Variants in AP3B1 observed in about 807,000 individuals in gnomAD.
The protein encoded by AP3B1 is adaptor related protein complex 3 subunit beta 1, also known as AP-3 complex subunit beta-1.
AP3B1 carries 61 observed loss-of-function variants against 132.5 expected under a neutral mutation model. The ratio of observed to expected loss-of-function variants is 0.46; its 90% CI spans 0.37 to 0.57. The LOEUF (loss-of-function observed/expected upper bound fraction) is 0.57. Among genes scored for constraint, AP3B1 ranks in the 20% least tolerant of loss-of-function variants. AP3B1 has a pLI of 0.00. For missense variants in AP3B1, 1,120 were observed against 1,289.4 expected, an observed-to-expected ratio of 0.87 and a Z score of 2.01; for synonymous variants, 388 against 438.3, an observed-to-expected ratio of 0.89 and a Z score of 1.43.
Position 78,227,523 on chromosome 5 carries a change from G to C in AP3B1, c.385C>G (p.Gln129Glu), listed in dbSNP as rs1746447163. 6.2e-7 allele frequency: 1 copy of C among 1,613,412 alleles called. No homozygotes were observed. Among genetic ancestry groups the C allele is most frequent in the Admixed American group, 1.7e-5 (1 of 59,976 alleles). ...CTCAAAGCGCTTGCACGAATTAGTT[G>C]GTTTGGGTCCTAAAAATAGTGCAAA... ...TFQRALKDPNQLIRASALRVL... is the reference protein window; with the variant it reads ...TFQRALKDPNELIRASALRVL... The change falls in exon 5 of 27, where the codon CAA (glutamine) becomes GAA (glutamate). Residue 129 changes from glutamine (Q) to glutamate (E), a missense_variant. Physicochemically the swap from Gln to Glu is conservative, Grantham distance 29. Around this residue, in one of 3 missense-constraint regions of AP3B1, gnomAD observed 129 missense variants for 212.4 expected, o/e 0.61. Transcript: ENST00000255194.
At chr5:78,263,609 G>A (rs1435467438) in intron 2 of AP3B1, among the ~76,000 whole-genome samples, 1 of 152,194 alleles carries the variant, frequency 6.6e-6, no homozygotes, top group Admixed American at 6.5e-5. Flanking sequence ...ACTACTGAGT[G>A]TGATGCTAGT....
chr5:78,085,212 A>T (rs951988177), intron 22 of AP3B1, among the ~76,000 whole-genome samples: 4 of 152,224 alleles, frequency 2.6e-5, no homozygotes, highest in Non-Finnish European at 5.9e-5. Flanking sequence ...TGCCTGCTTC[A>T]TTGCATACCT....
At chr5:78,110,901 G>A (rs1751562794) in intron 19 of AP3B1, among the ~76,000 whole-genome samples, 1 of 151,888 alleles carries the variant, frequency 6.6e-6, no homozygotes, top group African/African-American at 2.4e-5. Flanking sequence ...TGGGACTACA[G>A]GCATGCACCA....
chr5:78,059,961 C>T (rs1748973634), intron 22 of AP3B1, among the ~76,000 whole-genome samples: 1 of 151,536 alleles, frequency 6.6e-6, no homozygotes, highest in East Asian at 1.9e-4. Context: ...TGAAGAAATA[C>T]AAACAGACAT....
intron 7 of AP3B1, among the ~76,000 whole-genome samples, chr5:78,193,740 T>TATATATATATATATA (rs1561469382): frequency 2.4e-5 from 1 of 41,732 alleles, no homozygotes; most frequent in Non-Finnish European, 5.8e-5. Context: ...TTGTATATAT[T>TATATATATATATATA]TTTTTATATA....
At chr5:78,176,343 GA>G (rs11324490) in intron 9 of AP3B1, among the ~76,000 whole-genome samples, 12,973 of 136,650 alleles carry the variant, frequency 0.095, 766 homozygotes, top group African/African-American at 0.17. Flanking sequence ...CTAGCCATAG[GA>G]AAAAAAAAAA....
At chr5:78,221,434 GAAATAT>G (rs1272976227) in intron 6 of AP3B1, among the ~76,000 whole-genome samples, 5 of 152,002 alleles carry the variant, frequency 3.3e-5, no homozygotes, top group African/African-American at 7.2e-5. Flanking sequence ...TTGAAGATAG[GAAATAT>G]AAATATAAAT....
chr5:78,068,562 T>C (rs941508320), intron 22 of AP3B1, among the ~76,000 whole-genome samples: 4 of 152,016 alleles, frequency 2.6e-5, no homozygotes, highest in Admixed American at 6.6e-5. Context: ...CAGGAAGAAG[T>C]TGAATCCCTG....
At chr5:78,132,384 A>G (rs1173081210) in intron 15 of AP3B1, among the ~76,000 whole-genome samples, 3 of 152,166 alleles carry the variant, frequency 2.0e-5, no homozygotes, top group Admixed American at 1.3e-4. Flanking sequence ...CTTTGTTCCC[A>G]TTTGCAGCCC....
At chr5:78,047,169 C>T (rs563864442) in intron 22 of AP3B1, among the ~76,000 whole-genome samples, 8 of 152,296 alleles carry the variant, frequency 5.3e-5, no homozygotes, top group East Asian at 1.9e-4. Context: ...CATACGTGCA[C>T]ATATGTCTTT....
intron 26 of AP3B1, among the ~76,000 whole-genome samples, chr5:78,011,041 CTTTTT>C (rs11301750): frequency 1.5e-5 from 2 of 129,366 alleles, no homozygotes. Context: ...CTGTATCTCT[CTTTTT>C]TTTTTTTTTT....
chr5:78,292,835 G>GC (rs1561226272), intron 1 of AP3B1, among the ~76,000 whole-genome samples: 2 of 140,106 alleles, frequency 1.4e-5, no homozygotes, highest in Admixed American at 1.4e-4. Context: ...AGTTTTTTTT[G>GC]TTTTTTTTTT....
intron 17 of AP3B1, among the ~76,000 whole-genome samples, chr5:78,122,210 G>A (rs1752240694): frequency 6.6e-6 from 1 of 152,116 alleles, no homozygotes; most frequent in African/African-American, 2.4e-5. Flanking sequence ...AATAATAAGA[G>A]CTATCTATGA....
intron 22 of AP3B1, among the ~76,000 whole-genome samples, chr5:78,061,550 G>A (rs751521415): frequency 5.3e-5 from 8 of 152,216 alleles, no homozygotes; most frequent in Non-Finnish European, 1.0e-4. Context: ...AGCACTTGAT[G>A]TAATGCCTAG....
At chr5:78,013,407 A>G (rs1273360056) in intron 26 of AP3B1, among the ~76,000 whole-genome samples, 1 of 152,120 alleles carries the variant, frequency 6.6e-6, no homozygotes, top group African/African-American at 2.4e-5. Context: ...AGAAAAGTTA[A>G]CAAAAAAAAG....
At chr5:78,082,150 C>T (rs1038283929) in intron 22 of AP3B1, among the ~76,000 whole-genome samples, 3 of 151,938 alleles carry the variant, frequency 2.0e-5, no homozygotes, top group African/African-American at 7.3e-5. Context: ...AATTTGAGGG[C>T]GGGAGGAAGG....
intron 14 of AP3B1, among the ~76,000 whole-genome samples, chr5:78,145,820 G>C (rs1192554288): frequency 6.6e-6 from 1 of 152,116 alleles, no homozygotes; most frequent in Non-Finnish European, 1.5e-5. Context: ...TTCTTTTAAG[G>C]ATAGGTAAGG....
intron 22 of AP3B1, among the ~76,000 whole-genome samples, chr5:78,048,972 C>G (rs1748460895): frequency 1.3e-5 from 2 of 152,180 alleles, no homozygotes; most frequent in African/African-American, 4.8e-5. Context: ...AGATCACAGA[C>G]TCAGGTAAGG....
intron 7 of AP3B1, among the ~76,000 whole-genome samples, chr5:78,210,058 G>A (rs1362036768): frequency 3.3e-5 from 5 of 152,030 alleles, no homozygotes; most frequent in Admixed American, 2.0e-4. Context: ...TGAACCCTTT[G>A]TCAACAGTTA....
Sources: allele counts gnomAD v4.1 joint callset (sites outside exome capture counted in the v4.1 genomes callset), GRCh38; gene constraint gnomAD v4.1.1; regional missense constraint gnomAD v4.1.1; transcripts MANE v1.5; gene names NCBI Gene and HGNC (gene_info 2026-07-23, HGNC 2026-07-21).